Variants in MAD2L2 observed in about 807,000 individuals in gnomAD.
MAD2L2 encodes mitotic spindle assembly checkpoint protein MAD2B.
In MAD2L2, 17 loss-of-function variants were observed where a neutral mutation model predicts 30.5. The observed-to-expected ratio is 0.56, with a 90% CI of 0.38 to 0.84. The LOEUF (loss-of-function observed/expected upper bound fraction) is 0.84. Ranked by LOEUF, MAD2L2 falls within the 40% of genes least tolerant of loss-of-function variation. MAD2L2 has a pLI of 0.00. For synonymous variants in MAD2L2, 101 were observed against 113.9 expected, an observed-to-expected ratio of 0.89 and a Z score of 0.72; for missense variants, 213 against 277.4, an observed-to-expected ratio of 0.77 and a Z score of 1.65.
intron 3 of MAD2L2, among the ~76,000 whole-genome samples, chr1:11,678,901 C>T (rs1395659123): frequency 7.9e-5 from 12 of 152,226 alleles, no homozygotes; most frequent in African/African-American, 2.2e-4. Context: ...AAAGTGCTCA[C>T]GCCTGTAATC....
In MAD2L2 at chr1:11,687,343, G is replaced by A. The variant is rs1023835132; in HGVS notation, c.-692+4070C>T. On this transcript the variant is annotated intron_variant, in intron 1 of 10. Coordinates refer to the MAD2L2 transcript ENST00000235310. This position sits in a 1 kb window ranked among gnomAD's most constrained non-coding sequence, Gnocchi z 4.1. ...AAATCTCTGCCTCCCCGATTCAAGC[G>A]ATTCTCCTGCCTCAGCCTCCCGAGT... is the stretch of plus-strand genomic sequence containing the variant. Among the ~76,000 whole-genome samples the A allele has an allele frequency of 3.9e-5, 6 of 152,174 alleles. No homozygotes were observed. Among genetic ancestry groups the A allele is most frequent in the Admixed American group, 1.3e-4 (2 of 15,268 alleles).
intron 4 of MAD2L2, chr1:11,677,155 C>T (rs1557678627): frequency 9.7e-6 from 6 of 619,808 alleles, no homozygotes; most frequent in South Asian, 2.0e-5. Flanking sequence ...AGAGAATGCC[C>T]GGGCCCCATA....
At chr1:11,678,809 T>C (rs1250045771) in intron 3 of MAD2L2, among the ~76,000 whole-genome samples, 1 of 152,216 alleles carries the variant, frequency 6.6e-6, no homozygotes, top group Non-Finnish European at 1.5e-5. Context: ...CATCATAGCT[T>C]AGCCAGGCCT....
At chr1:11,677,431 A>T (rs1261990202) in intron 4 of MAD2L2, 112 bp downstream of exon 4, 1 of 1,057,766 alleles carries the variant, frequency 9.5e-7, no homozygotes, top group African/African-American at 1.6e-5. Flanking sequence ...TATTGGAGCC[A>T]TGAAGACCCC....
upstream of MAD2L2, chr1:11,681,738 C>A (rs1472235431): frequency 5.2e-5 from 8 of 152,382 alleles, no homozygotes; most frequent in South Asian, 2.1e-4. Flanking sequence ...AATAGCTGAC[C>A]TTTTTGGAGC....
At chr1:11,685,041 C>A (rs141777341), upstream of MAD2L2, among the ~76,000 whole-genome samples, 1 of 152,010 alleles carries the variant, frequency 6.6e-6, no homozygotes, top group Non-Finnish European at 1.5e-5. Context: ...GATCCTCCTA[C>A]CTCAGCCTCT....
At position 11,674,986 on chromosome 1, in the gene MAD2L2, T is replaced by A. The variant is rs542613120; in HGVS notation, c.594+96A>T. Reference sequence around the variant, plus strand: ...GAGCCCTCCACCAGGCACTCCCCCGTTCTCTCCCGCAAGCCCTCTAGTAAG... The same window carrying A: ...GAGCCCTCCACCAGGCACTCCCCCGATCTCTCCCGCAAGCCCTCTAGTAAG... On this transcript the variant is annotated intron_variant, in intron 8 of 8. Transcript: ENST00000376692. This position sits in a 1 kb window ranked among gnomAD's most constrained non-coding sequence, Gnocchi z 6.1. The A allele has an allele frequency of 1.5e-6, 2 of 1,290,996 alleles. No homozygotes were observed. Among genetic ancestry groups the A allele is most frequent in the South Asian group, 2.7e-5 (2 of 75,298 alleles). The allele number at this position is 1,290,996 out of a possible 1,614,324, so 80.0% of individuals were successfully genotyped here. A position where few individuals can be genotyped will look rare whatever the true frequency, so the allele number is the denominator to read the frequency against.
chr1:11,676,077 C>CACGCTGATCTT lies in MAD2L2; in HGVS notation c.385_395dup (p.Cys133ArgfsTer58). 1 of 1,613,242 alleles carries CACGCTGATCTT rather than the reference C, an allele frequency of 6.2e-7. No individual in the cohort carries two copies. Among genetic ancestry groups the CACGCTGATCTT allele is most frequent in the Admixed American group, 1.7e-5 (1 of 60,000 alleles). ...GGTTGTGGTCCAGGACGGCATCGCA[C>CACGCTGATCTT]ACGCTGATCTTCAGGATGAAGGCCC... is the stretch of plus-strand genomic sequence containing the variant. On this transcript the variant is annotated frameshift_variant, in exon 6 of 9. Transcript: ENST00000376692. LOFTEE classifies it high-confidence loss of function.
chr1:11,691,200 CGG>C (rs1641057216), intron 1 of MAD2L2, among the ~76,000 whole-genome samples: 1 of 151,812 alleles, frequency 6.6e-6, no homozygotes, highest in Non-Finnish European at 1.5e-5. Flanking sequence ...ACAGTCTAGG[CGG>C]AATAATCCTT....
At chr1:11,680,689 T>A (rs1455818135) in intron 1 of MAD2L2, 76 bp from the exon 2 acceptor site, 27 of 1,494,940 alleles carry the variant, frequency 1.8e-5, no homozygotes, top group African/African-American at 4.2e-5. Context: ...CACCGTCTCT[T>A]CCCTCCCCAC....
In MAD2L2 at chr1:11,674,840, A is replaced by G; in HGVS notation, c.595-24T>C. 6.2e-7 allele frequency: 1 copy of G among 1,613,452 alleles called. No individual in the cohort carries two copies. Among genetic ancestry groups the G allele is most frequent in the Non-Finnish European group, 8.5e-7 (1 of 1,179,800 alleles). On this transcript the variant is annotated intron_variant, in intron 8 of 8. Transcript: ENST00000376692. This position sits in a 1 kb window ranked among gnomAD's most constrained non-coding sequence, Gnocchi z 6.1. ...ATCTGACGGACACAAGCAAACAGCC[A>G]CAGTCAGCAAGACAGCCAGGGCATC...
Position 11,680,428 on chromosome 1 carries a change from A to AT in MAD2L2, c.83dup (p.His28GlnfsTer52). The stretch of plus-strand genomic sequence containing the variant: ...AGACCTCGCGCACGTAGAGGATGAG[A>AT]TGCACAGCCACCTCCAGGAACTCGC... On this transcript the variant is annotated frameshift_variant, in exon 3 of 9. Coordinates refer to ENST00000376692, the MANE Select transcript of MAD2L2 (RefSeq NM_006341.4). LOFTEE classifies it high-confidence loss of function. The AT allele has an allele frequency of 6.2e-7, 1 of 1,613,896 alleles. No homozygotes were observed. The highest frequency in any genetic ancestry group is 8.5e-7 in the Non-Finnish European group (1 of 1,179,926).
intron 3 of MAD2L2, 115 bp downstream of exon 3, chr1:11,680,238 C>T (rs1251539404): frequency 7.6e-6 from 6 of 792,152 alleles, no homozygotes; most frequent in South Asian, 1.7e-5. Context: ...TCAGGTGATC[C>T]GCCCGCCTCG....
chr1:11,674,645 G>C lies in MAD2L2; in HGVS notation c.*130C>G. The C allele has an allele frequency of 4.1e-6, 4 of 984,682 alleles. No homozygotes were observed. Among genetic ancestry groups the C allele is most frequent in the Non-Finnish European group, 4.7e-6 (3 of 637,294 alleles). The allele number at this position is 984,682 out of a possible 1,614,324, so 61.0% of individuals were successfully genotyped here. A position where few individuals can be genotyped will look rare whatever the true frequency, so the allele number is the denominator to read the frequency against. On this transcript the variant is annotated 3_prime_UTR_variant, in exon 9 of 9. Coordinates refer to ENST00000376692, the MANE Select transcript of MAD2L2 (RefSeq NM_006341.4). This position sits in a 1 kb window ranked among gnomAD's most constrained non-coding sequence, Gnocchi z 6.1. ...TCCAAGCAGACCTGAGCGGCCCCGG[G>C]CTGGGGCGGGCGATCCACACACAGA... is the stretch of plus-strand genomic sequence containing the variant.
upstream of MAD2L2, chr1:11,681,189 C>CCCAGG (rs1483338383): frequency 6.6e-6 from 1 of 152,344 alleles, no homozygotes; most frequent in Non-Finnish European, 1.5e-5. Flanking sequence ...GCCCGCCCCG[C>CCCAGG]CCAGGCCACG....
chr1:11,675,766 C>T, intron 6 of MAD2L2, 35 bp from the exon 7 acceptor site: 1 of 1,571,816 alleles, frequency 6.4e-7, no homozygotes, highest in South Asian at 1.1e-5. Flanking sequence ...GGCTCCCCCA[C>T]CGCCCTGGTG....
In MAD2L2 at chr1:11,687,401, G is replaced by C. The variant is rs6680400; in HGVS notation, c.-692+4012C>G. On this transcript the variant is annotated intron_variant, in intron 1 of 10. Coordinates refer to the MAD2L2 transcript ENST00000235310. This position sits in a 1 kb window ranked among gnomAD's most constrained non-coding sequence, Gnocchi z 4.1. Reference sequence around the variant, plus strand: ...ACTACAGGCGACCTCCATCACGCTTGGCTAATTTTTAAATTTTTAGTAGAC... The same window carrying C: ...ACTACAGGCGACCTCCATCACGCTTCGCTAATTTTTAAATTTTTAGTAGAC... 6.6e-6 allele frequency among the ~76,000 whole-genome samples: 1 copy of C among 152,168 alleles called. No individual in the cohort carries two copies. Among genetic ancestry groups the C allele is most frequent in the Non-Finnish European group, 1.5e-5 (1 of 68,026 alleles).
At chr1:11,685,866 C>G (rs1640948367), upstream of MAD2L2, among the ~76,000 whole-genome samples, 4 of 152,102 alleles carry the variant, frequency 2.6e-5, no homozygotes, top group South Asian at 8.3e-4. Context: ...GTGGGAGGAT[C>G]ACTTGAGCCC....
At chr1:11,679,985 GTTTTTTTTTTTTT>G (rs70983583) in intron 3 of MAD2L2, among the ~76,000 whole-genome samples, 24,954 of 88,856 alleles carry the variant, frequency 0.28, 2,689 homozygotes, top group Admixed American at 0.38. Flanking sequence ...AGTGGAAGAG[GTTTTTTTTTTTTT>G]TTTTTTTTTT....
Sources: gnomAD v4.1 joint callset for allele counts (sites outside exome capture counted in the v4.1 genomes callset) on GRCh38, gnomAD v4.1.1 for gene constraint, Gnocchi (gnomAD v3.1) non-coding constraint, MANE v1.5 for transcripts, NCBI Gene and HGNC (gene_info 2026-07-23, HGNC 2026-07-21) for gene names.